Variants in NRXN3 observed in about 807,000 individuals in gnomAD.
NRXN3 encodes the protein neurexin III.
Under a neutral mutation model 137.6 loss-of-function variants are expected in NRXN3, and 32 were observed. The ratio of observed to expected loss-of-function variants is 0.23; its 90% CI spans 0.18 to 0.31. The LOEUF (loss-of-function observed/expected upper bound fraction) is 0.31, where lower values mean the gene tolerates loss of function less well. Ranked by LOEUF, NRXN3 falls within the 10% of genes least tolerant of loss-of-function variation. NRXN3 has a pLI of 1.00. For missense variants in NRXN3, 1,574 were observed against 2,062.5 expected (o/e 0.76, Z 4.59); for synonymous variants, 798 against 784.5 (o/e 1.02, Z -0.29).
chr14:79,226,273 T>C (rs565041927), intron 15 of NRXN3, among the ~76,000 whole-genome samples: 3 of 152,324 alleles, frequency 2.0e-5, no homozygotes, highest in African/African-American at 7.2e-5. Context: ...AAGCTGCCTA[T>C]AATATGTGCA....
At chr14:79,199,623 A>G (rs939456178) in intron 15 of NRXN3, among the ~76,000 whole-genome samples, 6 of 152,218 alleles carry the variant, frequency 3.9e-5, no homozygotes, top group African/African-American at 1.2e-4. Flanking sequence ...ATGTGTTAAG[A>G]GCAAATCAAC....
intron 1 of NRXN3, among the ~76,000 whole-genome samples, chr14:78,181,040 A>T (rs983307827): frequency 3.9e-5 from 6 of 152,132 alleles, no homozygotes; most frequent in East Asian, 1.9e-4. Context: ...TTGCTAACTG[A>T]TAGTTTGGAA....
chr14:79,034,357 C>CACAG (rs1595174337), intron 15 of NRXN3, among the ~76,000 whole-genome samples: 3 of 149,464 alleles, frequency 2.0e-5, no homozygotes, highest in African/African-American at 7.6e-5. Flanking sequence ...CTTACACACA[C>CACAG]ACACACACAC....
At chr14:78,532,003 C>T (rs988837195) in intron 4 of NRXN3, among the ~76,000 whole-genome samples, 2 of 151,910 alleles carry the variant, frequency 1.3e-5, no homozygotes, top group African/African-American at 4.8e-5. Context: ...GAACCTTATT[C>T]CTGCTTCATG....
intron 4 of NRXN3, among the ~76,000 whole-genome samples, chr14:78,607,456 C>T (rs753882524): frequency 3.3e-5 from 5 of 152,162 alleles, no homozygotes; most frequent in South Asian, 2.1e-4. Context: ...AGTGATCTCA[C>T]CTCCTTTGGC....
At position 79,695,634 on chromosome 14, in the gene NRXN3, C is replaced by T. The variant is rs538804581; in HGVS notation, c.3707-1996C>T. Among the ~76,000 whole-genome samples, 288 of 135,018 alleles carry T rather than the reference C, an allele frequency of 2.1e-3. 1 individual carries two copies. The highest frequency in any genetic ancestry group is 3.1e-3 in the Non-Finnish European group (204 of 65,016). 88.6% of individuals were successfully genotyped at this position (135,018 alleles called of 152,430 possible). Reference sequence around the variant, plus strand: ...GTCTTTTGTAGTAAGCTCAGGGCTTCCAGAAAAAAAAAAAAAAAAAACTGT... The same window carrying T: ...GTCTTTTGTAGTAAGCTCAGGGCTTTCAGAAAAAAAAAAAAAAAAAACTGT... On this transcript the variant is annotated intron_variant, in intron 18 of 20. Transcript: ENST00000335750.
At chr14:78,498,586 T>A (rs2095828344) in intron 4 of NRXN3, among the ~76,000 whole-genome samples, 1 of 152,140 alleles carries the variant, frequency 6.6e-6, no homozygotes, top group South Asian at 2.1e-4. Flanking sequence ...CTTACAGGAC[T>A]TGCAGCTTTG....
chr14:78,987,997 T>A, intron 14 of NRXN3, 25 bp from the exon 15 acceptor site: 1 of 1,593,494 alleles, frequency 6.3e-7, no homozygotes. Flanking sequence ...TTTTCTTTTT[T>A]TCCCCTCTTC....
chr14:78,257,267 A>G (rs2069797834), intron 2 of NRXN3, among the ~76,000 whole-genome samples: 1 of 152,222 alleles, frequency 6.6e-6, no homozygotes, highest in African/African-American at 2.4e-5. Context: ...TACTTGTTGG[A>G]ACAGGCCATC....
chr14:79,145,157 C>T (rs2059170452), intron 15 of NRXN3, among the ~76,000 whole-genome samples: 2 of 152,094 alleles, frequency 1.3e-5, no homozygotes, highest in Non-Finnish European at 2.9e-5. Flanking sequence ...ACGCTTAGTA[C>T]AGTCATTGAG....
At chr14:79,029,961 C>G (rs537737072) in intron 15 of NRXN3, among the ~76,000 whole-genome samples, 1 of 151,816 alleles carries the variant, frequency 6.6e-6, no homozygotes, top group Admixed American at 6.6e-5. Flanking sequence ...ATCCTACTGT[C>G]TTAGCCCCCC....
chr14:78,188,482 G>C (rs1315155458), intron 1 of NRXN3, among the ~76,000 whole-genome samples: 3 of 152,212 alleles, frequency 2.0e-5, no homozygotes, highest in Non-Finnish European at 4.4e-5. Context: ...AACCAAGGCA[G>C]AAGCCTATGT....
At chr14:79,311,720 G>T (rs1302094624) in intron 15 of NRXN3, among the ~76,000 whole-genome samples, 1 of 90,058 alleles carries the variant, frequency 1.1e-5, no homozygotes, top group African/African-American at 4.2e-5. Context: ...GTTTATTTGC[G>T]TAGAGGTGTT....
chr14:78,529,462 T>C (rs889156871), intron 4 of NRXN3, among the ~76,000 whole-genome samples: 1 of 152,186 alleles, frequency 6.6e-6, no homozygotes, highest in African/African-American at 2.4e-5. Flanking sequence ...GTCTTTTCTT[T>C]CTTTCTGGGT....
chr14:78,980,067 C>T (rs914774576), intron 14 of NRXN3, among the ~76,000 whole-genome samples: 7 of 152,168 alleles, frequency 4.6e-5, no homozygotes, highest in South Asian at 2.1e-4. Flanking sequence ...TTGGTTAACA[C>T]GGAATTCTAC....
At chr14:79,388,318 C>T (rs1050097769) in intron 15 of NRXN3, among the ~76,000 whole-genome samples, 8 of 152,056 alleles carry the variant, frequency 5.3e-5, no homozygotes, top group Non-Finnish European at 1.2e-4. Context: ...ATAAATTACC[C>T]AGTCTCAGGT....
chr14:79,760,743 T>C (rs1411884652), intron 19 of NRXN3: 1 of 151,076 alleles, frequency 6.6e-6, no homozygotes, highest in Non-Finnish European at 1.5e-5. Flanking sequence ...AAGAGCTTCA[T>C]AGAGGCCATC....
At position 79,265,231 on chromosome 14, in the gene NRXN3, CTTTTTT is replaced by C. The variant is rs936690790; in HGVS notation, c.3263-201971_3263-201966del. Among the ~76,000 whole-genome samples, 17 of 91,888 alleles carry C rather than the reference CTTTTTT, an allele frequency of 1.9e-4. No homozygotes were observed. The Admixed American group carries it at 1.9e-3, about 10-fold the overall frequency. 60.3% of individuals were successfully genotyped at this position (91,888 alleles called of 152,430 possible). On this transcript the variant is annotated intron_variant, in intron 15 of 20. Coordinates refer to ENST00000335750, the MANE Select transcript of NRXN3 (RefSeq NM_001330195.2). ...GAGGGTAGGAGGAATGGGGGTTGCT[CTTTTTT>C]TTTTTTTTTTTTTTTTTTAAATTTT...
chr14:79,179,516 A>G (rs983726156), intron 15 of NRXN3, among the ~76,000 whole-genome samples: 5 of 152,064 alleles, frequency 3.3e-5, no homozygotes, highest in African/African-American at 1.2e-4. Flanking sequence ...CCCACCTCAA[A>G]CCTGCTGAGT....
Sources: allele counts gnomAD v4.1 joint callset (sites outside exome capture counted in the v4.1 genomes callset), GRCh38; gene constraint gnomAD v4.1.1; transcripts MANE v1.5; gene names NCBI Gene and HGNC (gene_info 2026-07-23, HGNC 2026-07-21).